PLG: variants seen among roughly 807,000 people sequenced by gnomAD.
The protein encoded by PLG is plasmin.
In PLG, 41 loss-of-function variants were observed where a neutral mutation model predicts 104.4. The ratio of observed to expected loss-of-function variants is 0.39; its 90% CI spans 0.31 to 0.51. The LOEUF (loss-of-function observed/expected upper bound fraction) is 0.51. Among genes scored for constraint, PLG ranks in the 20% least tolerant of loss-of-function variants. The pLI is 0.76. For synonymous variants in PLG, 337 were observed against 357.1 expected (o/e 0.94, Z 0.63); for missense variants, 891 against 1,003.6 (o/e 0.89, Z 1.52).
In PLG at chr6:160,724,038, G is replaced by A. The variant is rs893071739; in HGVS notation, c.1256+1471G>A. On this transcript the variant is annotated intron_variant, in intron 10 of 18. Transcript: ENST00000308192. The surrounding 1 kb of genome is among the most constrained non-coding windows in gnomAD (Gnocchi z 5.0). ...CTTTAGAGGCAAACAACAAAATCAAGTTGCTCAGTTATGTGGCATCCACAA... is the reference window on the plus strand; with the variant it reads ...CTTTAGAGGCAAACAACAAAATCAAATTGCTCAGTTATGTGGCATCCACAA... Among the ~76,000 whole-genome samples the A allele has an allele frequency of 2.0e-5, 3 of 152,146 alleles. No individual in the cohort carries two copies. Among genetic ancestry groups the A allele is most frequent in the Admixed American group, 1.3e-4 (2 of 15,278 alleles).
At position 160,735,137 on chromosome 6, in the gene PLG, G is replaced by GA. The variant is rs1319532932; in HGVS notation, c.1681+1050dup. Among the ~76,000 whole-genome samples, 5 of 152,190 alleles carry GA rather than the reference G, an allele frequency of 3.3e-5. No individual in the cohort carries two copies. Among genetic ancestry groups the GA allele is most frequent in the African/African-American group, 1.2e-4 (5 of 41,454 alleles). ...GCATTGTGATCTCTGGATTTAGCAT[G>GA]AGTTGATAGCTGACTTTTTCTGCAG... is the stretch of plus-strand genomic sequence containing the variant. On this transcript the variant is annotated intron_variant, in intron 13 of 18. Coordinates refer to ENST00000308192, the MANE Select transcript of PLG (RefSeq NM_000301.5). This position sits in a 1 kb window ranked among gnomAD's most constrained non-coding sequence, Gnocchi z 5.4.
chr6:160,716,486 T>C lies in PLG; in HGVS notation c.669-159T>C, dbSNP rs4252107. On this transcript the variant is annotated intron_variant, in intron 6 of 18. Transcript: ENST00000308192. ...CCTTGGAATACAGGGCCAACCTTGT[T>C]TCCTTGTTGCCATCTCTGAACACAG... 0.21 allele frequency among the ~76,000 whole-genome samples: 31,757 copies of C among 152,158 alleles called. 3,913 individuals are homozygous for C. Among genetic ancestry groups the C allele is most frequent in the Non-Finnish European group, 0.29 (19,621 of 67,974 alleles).
Position 160,739,178 on chromosome 6 carries a change from G to C in PLG, c.1988G>C (p.Arg663Pro), listed in dbSNP as rs576737789. Residue 663 changes from arginine to proline, a missense_variant, in exon 16 of 19, where the codon CGA (arginine) becomes CCA (proline). By Grantham distance (103) the Arg-to-Pro change is moderately radical. Around this residue, in one of 2 missense-constraint regions of PLG, gnomAD observed 854 missense variants for 932.1 expected, o/e 0.92. Transcript: ENST00000308192. This position sits in a 1 kb window ranked among gnomAD's most constrained non-coding sequence, Gnocchi z 4.4. The stretch of plus-strand genomic sequence containing the variant: ...TCTAGGCTGTTCTTGGAGCCCACAC[G>C]AAAAGATATTGCCTTGCTAAAGCTA... ...EVSRLFLEPT[R>P]KDIALLKLSS... 1 of 1,614,122 alleles carries C rather than the reference G, an allele frequency of 6.2e-7. No homozygotes were observed. Among genetic ancestry groups the C allele is most frequent in the South Asian group, 1.1e-5 (1 of 91,070 alleles).
At chr6:160,751,104 T>C (rs1259909474) in intron 17 of PLG, among the ~76,000 whole-genome samples, 1 of 152,230 alleles carries the variant, frequency 6.6e-6, no homozygotes, top group Admixed American at 6.5e-5. Flanking sequence ...GTGATTGTTT[T>C]CTAGTGGCAC....
intron 9 of PLG, among the ~76,000 whole-genome samples, 181 bp from the exon 10 acceptor site, chr6:160,722,227 C>T (rs1214556291): frequency 1.3e-5 from 2 of 152,190 alleles, no homozygotes; most frequent in East Asian, 1.9e-4. Flanking sequence ...TGAAATATTA[C>T]TAGGAACTTA....
chr6:160,725,085 C>A lies in PLG; in HGVS notation c.1256+2518C>A, dbSNP rs897560548. Among the ~76,000 whole-genome samples, 74 of 151,940 alleles carry A rather than the reference C, an allele frequency of 4.9e-4. No individual in the cohort carries two copies. The highest frequency in any genetic ancestry group is 1.7e-3 in the African/African-American group (71 of 41,354). ...CAAAAATTAGCTGGGCATGGTGGCA[C>A]GTGCCTGTAATCCCAGCAACTCAGG... is the stretch of plus-strand genomic sequence containing the variant. On this transcript the variant is annotated intron_variant, in intron 10 of 18. Coordinates refer to ENST00000308192, the MANE Select transcript of PLG (RefSeq NM_000301.5). The surrounding 1 kb of genome is among the most constrained non-coding windows in gnomAD (Gnocchi z 6.3).
At chr6:160,746,023 A>G (rs188127472) in intron 17 of PLG, among the ~76,000 whole-genome samples, 26 of 152,298 alleles carry the variant, frequency 1.7e-4, no homozygotes, top group African/African-American at 5.8e-4. Context: ...TTCCCTTTGT[A>G]GACGACCTGT....
chr6:160,723,759 G>A lies in PLG; in HGVS notation c.1256+1192G>A, dbSNP rs1777882032. ...GGGAAAGAAAAACTGCAGGGGAACA[G>A]TGAGCTCAATGGAGATGCCAGAGCT... On this transcript the variant is annotated intron_variant, in intron 10 of 18. Coordinates refer to ENST00000308192, the MANE Select transcript of PLG (RefSeq NM_000301.5). The surrounding 1 kb of genome is among the most constrained non-coding windows in gnomAD (Gnocchi z 4.7). 6.6e-6 allele frequency among the ~76,000 whole-genome samples: 1 copy of A among 152,186 alleles called. No individual in the cohort carries two copies. Among genetic ancestry groups the A allele is most frequent in the African/African-American group, 2.4e-5 (1 of 41,448 alleles).
At chr6:160,715,018 G>A (rs754236395) in intron 6 of PLG, 104 bp downstream of exon 6, 46 of 1,167,288 alleles carry the variant, frequency 3.9e-5, no homozygotes, top group Middle Eastern at 2.7e-4. Context: ...AGAAGTGAAC[G>A]CCTGATGTTT....
Position 160,741,363 on chromosome 6 carries a change from T to A in PLG, c.2071T>A (p.Tyr691Asn), listed in dbSNP as rs1283157058. The A allele has an allele frequency of 6.2e-7, 1 of 1,613,668 alleles. No individual in the cohort carries two copies. Among genetic ancestry groups the A allele is most frequent in the East Asian group, 2.2e-5 (1 of 44,878 alleles). The change falls in exon 17 of 19, where the codon TAT becomes AAT. Residue 691 changes from tyrosine to asparagine, a missense_variant. Physicochemically the swap from Tyr to Asn is moderately radical, Grantham distance 143. Coordinates refer to ENST00000308192, the MANE Select transcript of PLG (RefSeq NM_000301.5). This position sits in a 1 kb window ranked among gnomAD's most constrained non-coding sequence, Gnocchi z 4.7. ...VIPACLPSPN[Y>N]VVADRTECFI... ...CCCAGCTTGTCTGCCATCCCCAAATTATGTGGTCGCTGACCGGACCGAATG... is the reference window on the plus strand; with the variant it reads ...CCCAGCTTGTCTGCCATCCCCAAATAATGTGGTCGCTGACCGGACCGAATG...
chr6:160,752,181 G>A lies in PLG; in HGVS notation c.2192G>A (p.Arg731His), dbSNP rs150065136. 36 of 1,612,246 alleles carry A rather than the reference G, an allele frequency of 2.2e-5. No homozygotes were observed. The highest frequency in any genetic ancestry group is 6.7e-5 in the Admixed American group (4 of 60,004). The change falls in exon 18 of 19, where the codon CGC (arginine) becomes CAC (histidine). Residue 731 changes from arginine (R) to histidine (H), a missense_variant. Coordinates refer to ENST00000308192, the MANE Select transcript of PLG (RefSeq NM_000301.5). The surrounding 1 kb of genome is among the most constrained non-coding windows in gnomAD (Gnocchi z 4.7). ...GTGATTGAGAATAAAGTGTGCAATC[G>A]CTATGAGTTTCTGAATGGAAGAGTC... The part of the protein sequence containing the change: ...LPVIENKVCN[R>H]YEFLNGRVQS...
At chr6:160,707,572 G>A (rs1777552507) in intron 2 of PLG, 128 bp from the exon 3 acceptor site, 1 of 954,728 alleles carries the variant, frequency 1.0e-6, no homozygotes, top group Non-Finnish European at 1.7e-6. Context: ...ACTGAAAGAG[G>A]CAGCAATTCT....
intron 5 of PLG, among the ~76,000 whole-genome samples, chr6:160,714,576 G>T (rs544215187): frequency 2.6e-4 from 40 of 152,318 alleles, no homozygotes; most frequent in African/African-American, 9.6e-4. Flanking sequence ...ACTAAAATAT[G>T]TGAATGTTAC....
intron 3 of PLG, among the ~76,000 whole-genome samples, chr6:160,710,377 T>G (rs1727551218): frequency 6.6e-6 from 1 of 152,072 alleles, no homozygotes; most frequent in African/African-American, 2.4e-5. Flanking sequence ...TGTAAGCACA[T>G]AACTCACGTG....
In PLG at chr6:160,713,457, C is replaced by T. The variant is rs1453084048; in HGVS notation, c.547+332C>T. ...GCTAATTTTATATTTTTAGTAGAGA[C>T]AGGGTTTCTCCACGTAGGTCAGGCT... On this transcript the variant is annotated intron_variant, in intron 5 of 18. Transcript: ENST00000308192. The T allele has an allele frequency of 4.5e-5, 15 of 333,448 alleles. No individual in the cohort carries two copies. The East Asian group carries it at 8.4e-4, about 19-fold the overall frequency. 20.7% of individuals were successfully genotyped at this position (333,448 alleles called of 1,614,324 possible). A position where few individuals can be genotyped will look rare whatever the true frequency, so the allele number is the denominator to read the frequency against.
rs1778427940 is a variant in PLG, at chr6:160,752,799, A to G, written c.2272-101A>G. 1 of 1,384,336 alleles carries G rather than the reference A, an allele frequency of 7.2e-7. No homozygotes were observed. Among genetic ancestry groups the G allele is most frequent in the Non-Finnish European group, 1.0e-6 (1 of 973,138 alleles). The allele number at this position is 1,384,336 out of a possible 1,614,324, so 85.8% of individuals were successfully genotyped here. On this transcript the variant is annotated intron_variant, in intron 18 of 18. Transcript: ENST00000308192. The surrounding 1 kb of genome is among the most constrained non-coding windows in gnomAD (Gnocchi z 4.7). ...GCTCATAAGTTCCTTTCTGATTTCA[A>G]TTACTGGGAAAATGTATATATGGAT...
intron 4 of PLG, among the ~76,000 whole-genome samples, chr6:160,712,682 T>G (rs1160447122): frequency 6.6e-6 from 1 of 152,192 alleles, no homozygotes; most frequent in Admixed American, 6.5e-5. Flanking sequence ...AAGCAGGTGT[T>G]TGGAATGAAT....
At chr6:160,704,154 T>C (rs1185118420) in intron 1 of PLG, among the ~76,000 whole-genome samples, 1 of 152,250 alleles carries the variant, frequency 6.6e-6, no homozygotes, top group African/African-American at 2.4e-5. Context: ...AAAGATTTGT[T>C]TGATGTTTCC....
intron 5 of PLG, among the ~76,000 whole-genome samples, chr6:160,713,817 CATT>C (rs1370192706): frequency 6.6e-6 from 1 of 152,078 alleles, no homozygotes; most frequent in East Asian, 1.9e-4. Flanking sequence ...ATCAGCAATC[CATT>C]ATTTGAATGG....
Sources: gnomAD v4.1 joint callset for allele counts (sites outside exome capture counted in the v4.1 genomes callset) on GRCh38, gnomAD v4.1.1 for gene constraint, gnomAD v4.1.1 regional missense constraint, Gnocchi (gnomAD v3.1) non-coding constraint, MANE v1.5 for transcripts, NCBI Gene and HGNC (gene_info 2026-07-23, HGNC 2026-07-21) for gene names.